Variants in RELN observed in about 807,000 individuals in gnomAD.
RELN encodes reelin.
A neutral mutation model predicts 427.6 loss-of-function variants in RELN; 108 were observed. The observed-to-expected ratio is 0.25, with a 90% CI of 0.22 to 0.30. The LOEUF is 0.30. Ranked by LOEUF, RELN falls within the 10% of genes least tolerant of loss-of-function variation. The probability of loss-of-function intolerance (pLI) is 1.00; values close to 1 mark genes in which losing one functional copy is unlikely to be tolerated. For synonymous variants in RELN, 1,524 were observed against 1,513.4 expected (o/e 1.01, Z -0.16); for missense variants, 3,715 against 4,302.8 (o/e 0.86, Z 3.82).
intron 8 of RELN, among the ~76,000 whole-genome samples, chr7:103,713,551 G>A (rs982328310): frequency 6.6e-6 from 1 of 152,114 alleles, no homozygotes; most frequent in Non-Finnish European, 1.5e-5. Context: ...CTAGGCTAGG[G>A]CATTCAGGAG....
intron 1 of RELN, among the ~76,000 whole-genome samples, chr7:103,972,461 G>T (rs1412449155): frequency 6.6e-6 from 1 of 152,206 alleles, no homozygotes; most frequent in Non-Finnish European, 1.5e-5. Context: ...GTCTTCCCAA[G>T]AAATTCTACA....
intron 1 of RELN, among the ~76,000 whole-genome samples, chr7:103,947,736 A>G (rs544110960): frequency 6.6e-6 from 1 of 152,368 alleles, no homozygotes; most frequent in Admixed American, 6.5e-5. Flanking sequence ...TATTCCATTC[A>G]TAAAATATAA....
intron 16 of RELN, among the ~76,000 whole-genome samples, chr7:103,646,373 G>A (rs1444880723): frequency 6.6e-6 from 1 of 151,684 alleles, no homozygotes; most frequent in Non-Finnish European, 1.5e-5. Context: ...CCAATCACTA[G>A]CTAGACTAAC....
At chr7:103,917,271 A>G in intron 1 of RELN, 86 bp from the exon 2 acceptor site, 1 of 1,010,566 alleles carries the variant, frequency 9.9e-7, no homozygotes, top group Non-Finnish European at 1.6e-6. Flanking sequence ...TGTCAAAACA[A>G]TCTTTACTCA....
chr7:103,526,031 T>G lies in RELN; in HGVS notation c.7350-2500A>C, dbSNP rs1210028020. On this transcript the variant is annotated intron_variant, in intron 46 of 64. Coordinates refer to ENST00000428762, the MANE Select transcript of RELN (RefSeq NM_005045.4). ...AAAACACCCTACAAGAGATGTCCTG[T>G]AGGGTAGATGGGCAGGGCCTGGTGT... Among the ~76,000 whole-genome samples, 3 of 152,072 alleles carry G rather than the reference T, an allele frequency of 2.0e-5. No homozygotes were observed. The East Asian group carries it at 5.8e-4, about 29-fold the overall frequency.
chr7:103,909,677 TATATTTAA>T (rs1339465706), intron 2 of RELN, among the ~76,000 whole-genome samples: 1,001 of 80,962 alleles, frequency 0.012, 99 homozygotes, highest in African/African-American at 0.051. Context: ...ATATATTAAA[TATATTTAA>T]TAAATATATA....
At chr7:103,846,786 T>C (rs113121792) in intron 2 of RELN, among the ~76,000 whole-genome samples, 11,686 of 152,216 alleles carry the variant, frequency 0.077, 622 homozygotes, top group Non-Finnish European at 0.12. Context: ...CAGACACTTC[T>C]CAAAATTCAT....
intron 20 of RELN, among the ~76,000 whole-genome samples, chr7:103,629,307 G>A (rs1048326788): frequency 3.3e-5 from 5 of 152,030 alleles, no homozygotes; most frequent in African/African-American, 4.8e-5. Context: ...AATTAAATTC[G>A]CATATGACCA....
intron 6 of RELN, among the ~76,000 whole-genome samples, chr7:103,733,796 G>A (rs566521824): frequency 1.3e-5 from 2 of 150,956 alleles, no homozygotes; most frequent in African/African-American, 4.9e-5. Context: ...GTTGTGGGGT[G>A]GGGGGAGTGG....
intron 2 of RELN, among the ~76,000 whole-genome samples, chr7:103,860,170 A>G (rs1794039411): frequency 6.6e-6 from 1 of 152,224 alleles, no homozygotes; most frequent in Non-Finnish European, 1.5e-5. Flanking sequence ...GAAGTTGGTA[A>G]TTAATGATGA....
intron 60 of RELN, 57 bp from the exon 61 acceptor site, chr7:103,486,473 T>C: frequency 7.5e-7 from 1 of 1,334,220 alleles, no homozygotes; most frequent in Non-Finnish European, 1.1e-6. Context: ...TCATTCAAGA[T>C]TAAGAACAAG....
intron 19 of RELN, among the ~76,000 whole-genome samples, chr7:103,630,861 T>G (rs11767007): frequency 2.7e-5 from 1 of 37,088 alleles, no homozygotes; most frequent in Non-Finnish European, 6.3e-5. Context: ...GTTTTTTTTG[T>G]TTTTTTTTTT....
chr7:103,630,477 T>C (rs1159204254), intron 19 of RELN, among the ~76,000 whole-genome samples: 1 of 152,180 alleles, frequency 6.6e-6, no homozygotes, highest in East Asian at 1.9e-4. Flanking sequence ...GTTACACATA[T>C]TACAGTTTTG....
intron 51 of RELN, among the ~76,000 whole-genome samples, chr7:103,508,539 TATC>T (rs1404684632): frequency 5.3e-5 from 8 of 152,280 alleles, no homozygotes; most frequent in African/African-American, 1.7e-4. Context: ...CCACAGCCAA[TATC>T]ATACTGAATG....
At chr7:103,892,864 T>C (rs997397878) in intron 2 of RELN, among the ~76,000 whole-genome samples, 1 of 152,174 alleles carries the variant, frequency 6.6e-6, no homozygotes, top group Non-Finnish European at 1.5e-5. Flanking sequence ...TTTCAGAATA[T>C]ACCTATGATC....
intron 1 of RELN, among the ~76,000 whole-genome samples, chr7:103,917,702 T>G (rs571129633): frequency 1.3e-5 from 2 of 152,098 alleles, no homozygotes; most frequent in Admixed American, 6.6e-5. Context: ...CTAATTTGCA[T>G]GAAGACAGCC....
At position 103,651,754 on chromosome 7, in the gene RELN, G is replaced by A. The variant is rs78008536; in HGVS notation, c.1799C>T (p.Ser600Phe). The change falls in exon 15 of 65, where the codon TCC (serine) becomes TTC (phenylalanine). Residue 600 changes from serine (S) to phenylalanine (F), a missense_variant. Physicochemically the swap from Ser to Phe is radical, Grantham distance 155. Transcript: ENST00000428762. ...SLEFSTNHGRSWSLLHTECLP... is the reference protein window; with the variant it reads ...SLEFSTNHGRFWSLLHTECLP... ...GCATTCAGTGTGAAGGAGGGACCAG[G>A]AGCGCCCATGGTTGGTAGAAAATTC... is the stretch of plus-strand genomic sequence containing the variant. The A allele has an allele frequency of 0.014, 22,506 of 1,611,790 alleles. 208 individuals are homozygous for A. Among genetic ancestry groups the A allele is most frequent in the Non-Finnish European group, 0.016 (19,254 of 1,178,636 alleles).
intron 6 of RELN, among the ~76,000 whole-genome samples, chr7:103,738,958 G>C (rs1790567574): frequency 6.6e-6 from 1 of 152,066 alleles, no homozygotes. Flanking sequence ...TCAGATTACA[G>C]GCGTGAGCCA....
chr7:103,490,927 T>C, intron 58 of RELN, 98 bp from the exon 59 acceptor site: 1 of 1,194,052 alleles, frequency 8.4e-7, no homozygotes, highest in Admixed American at 1.9e-5. Flanking sequence ...AATTAAAATA[T>C]TTGTATAGGA....
Sources: allele counts gnomAD v4.1 joint callset (sites outside exome capture counted in the v4.1 genomes callset), GRCh38; gene constraint gnomAD v4.1.1; transcripts MANE v1.5; gene names NCBI Gene and HGNC (gene_info 2026-07-23, HGNC 2026-07-21).